MCHR2: variants seen among roughly 807,000 people sequenced by gnomAD.
The protein encoded by MCHR2 is melanin concentrating hormone receptor 2.
MCHR2 carries 15 observed loss-of-function variants against 24.8 expected under a neutral mutation model. The observed-to-expected ratio is 0.60, with a 90% CI of 0.40 to 0.93. The LOEUF is 0.93. MCHR2 is among the 40% of genes least tolerant of loss of function. The pLI is 0.00. For synonymous variants in MCHR2, 151 were observed against 147.6 expected, an observed-to-expected ratio of 1.02 and a Z score of -0.17; for missense variants, 386 against 408.7, an observed-to-expected ratio of 0.94 and a Z score of 0.48.
intron 5 of MCHR2, among the ~76,000 whole-genome samples, chr6:99,929,691 G>T (rs1381371294): frequency 6.6e-6 from 1 of 151,900 alleles, no homozygotes; most frequent in Non-Finnish European, 1.5e-5. Context: ...CATTTGCTTG[G>T]TAGATCTTTC....
intron 5 of MCHR2, among the ~76,000 whole-genome samples, chr6:99,927,779 C>A (rs978758435): frequency 7.9e-5 from 12 of 152,154 alleles, no homozygotes; most frequent in Non-Finnish European, 1.5e-4. Flanking sequence ...ATGTCATCTG[C>A]AAACAGGGAC....
At chr6:99,930,200 A>C (rs1329634847) in intron 5 of MCHR2, among the ~76,000 whole-genome samples, 1 of 152,102 alleles carries the variant, frequency 6.6e-6, no homozygotes, top group Non-Finnish European at 1.5e-5. Context: ...GTTTCTGCCG[A>C]GAGATCCGCT....
intron 1 of MCHR2, among the ~76,000 whole-genome samples, chr6:99,956,931 T>C (rs1258051548): frequency 6.6e-6 from 1 of 151,612 alleles, no homozygotes; most frequent in Non-Finnish European, 1.5e-5. Flanking sequence ...GAAAATAAAA[T>C]ATGCTGGACA....
At chr6:99,948,305 G>A (rs1266183163) in intron 2 of MCHR2, among the ~76,000 whole-genome samples, 1 of 152,068 alleles carries the variant, frequency 6.6e-6, no homozygotes, top group Non-Finnish European at 1.5e-5. Context: ...TTTGAAATTA[G>A]GTCACAAAAT....
chr6:99,976,181 A>C (rs991512766), intron 1 of MCHR2, among the ~76,000 whole-genome samples: 1 of 152,372 alleles, frequency 6.6e-6, no homozygotes, highest in East Asian at 1.9e-4. Flanking sequence ...TAGTGTTTTG[A>C]TTAACTGCCT....
Position 99,920,467 on chromosome 6 carries a change from G to T in MCHR2, c.*473C>A, listed in dbSNP as rs1582361505. 1.9e-5 allele frequency: 3 copies of T among 157,826 alleles called. 1 individual carries two copies. Among genetic ancestry groups the T allele is most frequent in the African/African-American group, 7.2e-5 (3 of 41,616 alleles). 9.8% of individuals were successfully genotyped at this position (157,826 alleles called of 1,614,324 possible). On this transcript the variant is annotated 3_prime_UTR_variant, in exon 6 of 6. Transcript: ENST00000281806. ...AAAAGGTGGGGCTTAGTTGTTGAGG[G>T]TATTAGTATTGGACCATATAAAACT... is the stretch of plus-strand genomic sequence containing the variant.
chr6:99,973,699 C>T (rs34102571), intron 1 of MCHR2, among the ~76,000 whole-genome samples: 42,115 of 151,980 alleles, frequency 0.28, 6,914 homozygotes, highest in East Asian at 0.75. Flanking sequence ...TGGCTGGTAC[C>T]GGTTTTTCCT....
At chr6:99,961,401 T>C (rs1775184125) in intron 1 of MCHR2, among the ~76,000 whole-genome samples, 2 of 152,052 alleles carry the variant, frequency 1.3e-5, no homozygotes, top group Admixed American at 6.6e-5. Context: ...TAAAGACACA[T>C]GCACATGTAT....
chr6:99,965,801 A>T (rs760291884), intron 1 of MCHR2, among the ~76,000 whole-genome samples: 1 of 152,122 alleles, frequency 6.6e-6, no homozygotes, highest in East Asian at 1.9e-4. Context: ...ACTTTTTCCA[A>T]TGAATTATGT....
At position 99,932,675 on chromosome 6, in the gene MCHR2, G is replaced by A. The variant is rs185482263; in HGVS notation, c.707+1723C>T. 9.8e-3 allele frequency among the ~76,000 whole-genome samples: 1,496 copies of A among 152,124 alleles called. 24 individuals carry two copies. Among genetic ancestry groups the A allele is most frequent in the African/African-American group, 0.034 (1,416 of 41,450 alleles). On this transcript the variant is annotated intron_variant, in intron 5 of 5. Transcript: ENST00000281806. ...TCATGATACAATATCAGGCGAACTC[G>A]TATTGGGAATGTTCTACAGGATACC...
chr6:99,986,136 C>A (rs890607673), intron 1 of MCHR2, among the ~76,000 whole-genome samples: 7 of 151,946 alleles, frequency 4.6e-5, no homozygotes, highest in Non-Finnish European at 7.4e-5. Flanking sequence ...ACCACTTATA[C>A]CAGCCAGAAT....
intron 5 of MCHR2, among the ~76,000 whole-genome samples, chr6:99,926,352 T>C (rs1159877807): frequency 1.3e-5 from 2 of 152,210 alleles, no homozygotes; most frequent in Non-Finnish European, 2.9e-5. Context: ...ATATACCCAG[T>C]AATGGGATGG....
intron 5 of MCHR2, among the ~76,000 whole-genome samples, chr6:99,927,050 A>G (rs1427254159): frequency 2.0e-5 from 3 of 152,174 alleles, no homozygotes; most frequent in Admixed American, 6.5e-5. Context: ...AGCTTTCTAC[A>G]TATGGCTAGC....
intron 1 of MCHR2, among the ~76,000 whole-genome samples, chr6:99,984,229 TTG>T (rs976123461): frequency 9.5e-4 from 113 of 118,784 alleles, no homozygotes; most frequent in African/African-American, 2.9e-3. Context: ...CTGTATCTTT[TTG>T]TTTTTTATTT....
chr6:99,988,833 G>A (rs914622860), intron 1 of MCHR2, among the ~76,000 whole-genome samples: 5 of 152,122 alleles, frequency 3.3e-5, no homozygotes, highest in Non-Finnish European at 5.9e-5. Context: ...GGCACAAGTT[G>A]CTACCAGCAG....
intron 5 of MCHR2, among the ~76,000 whole-genome samples, chr6:99,933,674 A>G (rs1774590943): frequency 6.6e-6 from 1 of 152,148 alleles, no homozygotes; most frequent in South Asian, 2.1e-4. Context: ...GTAAATTTGT[A>G]GTGTGCAGGG....
chr6:99,926,555 T>A (rs918795413), intron 5 of MCHR2, among the ~76,000 whole-genome samples: 1 of 152,240 alleles, frequency 6.6e-6, no homozygotes, highest in African/African-American at 2.4e-5. Flanking sequence ...TATCTCATTG[T>A]GGTTTTGATT....
At chr6:99,965,607 G>A (rs918338231) in intron 1 of MCHR2, among the ~76,000 whole-genome samples, 8 of 152,128 alleles carry the variant, frequency 5.3e-5, no homozygotes, top group African/African-American at 1.4e-4. Context: ...TAGGATACAC[G>A]AAAATCTAGT....
intron 1 of MCHR2, among the ~76,000 whole-genome samples, chr6:99,956,964 G>GTA (rs2114543111): frequency 6.6e-6 from 1 of 151,992 alleles, no homozygotes; most frequent in African/African-American, 2.4e-5. Context: ...GTGTGTGTGT[G>GTA]TATTTATATT....
Sources: gnomAD v4.1 joint callset for allele counts (sites outside exome capture counted in the v4.1 genomes callset) on GRCh38, gnomAD v4.1.1 for gene constraint, MANE v1.5 for transcripts, NCBI Gene and HGNC (gene_info 2026-07-23, HGNC 2026-07-21) for gene names.